The following GSE1 variants were observed in gnomAD, a reference collection of about 807,000 sequenced individuals.
GSE1 encodes the protein Gse1 coiled-coil protein, also known as genetic suppressor element 1.
In GSE1, 32 loss-of-function variants were observed where a neutral mutation model predicts 112.6. That is an observed-to-expected ratio of 0.28 (90% CI 0.21 to 0.38). The LOEUF (loss-of-function observed/expected upper bound fraction) is 0.38. Ranked by LOEUF, GSE1 falls within the 10% of genes least tolerant of loss-of-function variation. GSE1 has a pLI of 1.00. For missense variants in GSE1, 2,348 were observed against 1,699.2 expected (o/e 1.38, Z -6.71); for synonymous variants, 1,115 against 735.6 (o/e 1.52, Z -8.35).
chr16:85,490,881 C>T (rs2050989094), intron 2 of GSE1: 1 of 152,268 alleles, frequency 6.6e-6, no homozygotes, highest in South Asian at 2.1e-4. Flanking sequence ...GAGCTGGGTG[C>T]CACGGTTACA....
intron 2 of GSE1, among the ~76,000 whole-genome samples, chr16:85,422,613 G>A (rs985011287): frequency 2.0e-5 from 3 of 151,970 alleles, no homozygotes; most frequent in Non-Finnish European, 4.4e-5. Flanking sequence ...CAGTAGGAGA[G>A]AGAAAGGGGC....
chr16:85,643,457 G>C (rs2050608395), intron 2 of GSE1, among the ~76,000 whole-genome samples: 1 of 152,170 alleles, frequency 6.6e-6, no homozygotes. Context: ...CCCCAGAGAA[G>C]CTCCCCACCC....
chr16:85,283,685 C>T (rs1010614753), intron 1 of GSE1: 5 of 152,258 alleles, frequency 3.3e-5, no homozygotes, highest in African/African-American at 9.6e-5. Flanking sequence ...CTGAATTGAA[C>T]GTGGGGTAAA....
intron 2 of GSE1, among the ~76,000 whole-genome samples, chr16:85,647,827 T>C (rs1210401679): frequency 3.3e-5 from 5 of 152,130 alleles, no homozygotes; most frequent in Admixed American, 6.5e-5. Context: ...CCTCGTGATC[T>C]GTCTGCCTCG....
chr16:85,552,400 C>T (rs112215947), upstream of GSE1, among the ~76,000 whole-genome samples: 42 of 108,832 alleles, frequency 3.9e-4, 5 homozygotes, highest in Admixed American at 1.2e-3. Flanking sequence ...GGCGCGATCT[C>T]GGCTCACTGC....
At chr16:85,329,803 G>T (rs907104404) in intron 1 of GSE1, among the ~76,000 whole-genome samples, 8 of 150,628 alleles carry the variant, frequency 5.3e-5, no homozygotes, top group African/African-American at 1.5e-4. Flanking sequence ...TAACTCCAGG[G>T]ACTGCCTGGG....
chr16:85,314,014 T>C (rs1024262661), intron 1 of GSE1, among the ~76,000 whole-genome samples: 4 of 151,626 alleles, frequency 2.6e-5, no homozygotes, highest in African/African-American at 9.7e-5. Context: ...TACAGCCTAG[T>C]GTGTGTATAA....
At chr16:85,271,599 G>C (rs1363677013) in intron 1 of GSE1, among the ~76,000 whole-genome samples, 2 of 152,228 alleles carry the variant, frequency 1.3e-5, no homozygotes, top group African/African-American at 4.8e-5. Flanking sequence ...CTTTCCTGCT[G>C]CTTCGCAGCG....
Position 85,442,759 on chromosome 16 carries a change from G to T in GSE1, c.2464+85116G>T, listed in dbSNP as rs547619278. Among the ~76,000 whole-genome samples the T allele has an allele frequency of 3.3e-5, 5 of 152,296 alleles. No individual in the cohort carries two copies. In the South Asian group the frequency reaches 1.0e-3, roughly 32 times the overall value. On this transcript the variant is annotated intron_variant, in intron 2 of 2. Coordinates refer to the GSE1 transcript ENST00000637419. ...CTGCCCCCTTAGCTCCCGTATTAGT[G>T]GCTGCAGTAACATATTACCACAAAT... is the stretch of plus-strand genomic sequence containing the variant.
rs2074348420 is a variant in GSE1, at chr16:85,170,877, C to G, written c.1353C>G (p.Pro451=). 5 of 985,408 alleles carry G rather than the reference C, an allele frequency of 5.1e-6. No individual in the cohort carries two copies. In the South Asian group the frequency reaches 1.4e-4, roughly 28 times the overall value. 61.0% of individuals were successfully genotyped at this position (985,408 alleles called of 1,614,324 possible). The change falls in exon 1 of 3, where the codon CCC becomes CCG. Residue 451 remains proline, a synonymous_variant. Transcript: ENST00000637419. Reference sequence around the variant, plus strand: ...TCCTGCAGCGACTCTATGTGGTGCCCCTGGACAGCCACGCCCCCGGCATGG... The same window carrying G: ...TCCTGCAGCGACTCTATGTGGTGCCGCTGGACAGCCACGCCCCCGGCATGG...
At position 85,661,722 on chromosome 16, in the gene GSE1, G is replaced by A. The variant is rs758282182; in HGVS notation, c.2217G>A (p.Lys739=). The change falls in exon 9 of 16, where the codon AAG becomes AAA. Residue 739 remains lysine, a synonymous_variant. Transcript: ENST00000253458. ...FLQQRRRLVS[K]LDLEERRRRE... ...AGCAGCGCCGGAGGCTGGTCAGCAA[G>A]CTGGACCTGGAGGAGCGCAGGCGGC... 5 of 1,586,760 alleles carry A rather than the reference G, an allele frequency of 3.2e-6. No homozygotes were observed. In the African/African-American group the frequency reaches 5.4e-5, roughly 17 times the overall value.
intron 2 of GSE1, among the ~76,000 whole-genome samples, chr16:85,382,628 G>C (rs1366019307): frequency 6.6e-6 from 1 of 152,150 alleles, no homozygotes; most frequent in Non-Finnish European, 1.5e-5. Flanking sequence ...GGGACAGAAT[G>C]GGGAGCAGGG....
intron 2 of GSE1, among the ~76,000 whole-genome samples, chr16:85,439,109 CAG>C (rs2049316633): frequency 6.6e-6 from 1 of 152,234 alleles, no homozygotes; most frequent in African/African-American, 2.4e-5. Context: ...CCAGGGCTGT[CAG>C]GGGTCATTCA....
chr16:85,257,695 C>T (rs144833587), intron 1 of GSE1, among the ~76,000 whole-genome samples: 1 of 152,206 alleles, frequency 6.6e-6, no homozygotes. Flanking sequence ...CCTGTGGTCC[C>T]AGCTACTGGT....
Position 85,674,510 on chromosome 16 carries a change from C to A in GSE1, c.*1971C>A, listed in dbSNP as rs1050830231. The stretch of plus-strand genomic sequence containing the variant: ...TACAAACTATCAGGGCAAAATCTCA[C>A]TGGATTTCTCCACTGAAAACCTACT... On this transcript the variant is annotated 3_prime_UTR_variant, in exon 16 of 16. Transcript: ENST00000253458. 1.3e-5 allele frequency: 2 copies of A among 152,220 alleles called. No homozygotes were observed. The highest frequency in any genetic ancestry group is 6.5e-5 in the Admixed American group (1 of 15,278). 9.4% of individuals were successfully genotyped at this position (152,220 alleles called of 1,614,324 possible). A position where few individuals can be genotyped will look rare whatever the true frequency, so the allele number is the denominator to read the frequency against.
intron 2 of GSE1, among the ~76,000 whole-genome samples, chr16:85,540,462 G>A (rs1369634540): frequency 6.6e-6 from 1 of 152,226 alleles, no homozygotes; most frequent in Non-Finnish European, 1.5e-5. Context: ...GCTTGGCTTT[G>A]TGTTCCCCTT....
chr16:85,536,085 C>T (rs1193267978), intron 2 of GSE1, among the ~76,000 whole-genome samples: 2 of 152,198 alleles, frequency 1.3e-5, no homozygotes, highest in African/African-American at 4.8e-5. Flanking sequence ...GAAAGAGATT[C>T]AGAAGAACTT....
intron 1 of GSE1, among the ~76,000 whole-genome samples, chr16:85,309,415 A>T (rs1597359428): frequency 6.6e-6 from 1 of 151,884 alleles, no homozygotes; most frequent in African/African-American, 2.4e-5. Flanking sequence ...GATCGCTTGA[A>T]CCCAGGAGTT....
intron 1 of GSE1, among the ~76,000 whole-genome samples, chr16:85,620,887 G>T (rs1445585038): frequency 6.6e-6 from 1 of 152,040 alleles, no homozygotes; most frequent in East Asian, 1.9e-4. Flanking sequence ...CGTTTAGAGG[G>T]TCTCGGCCCT....
Sources: gnomAD v4.1 joint callset for allele counts (sites outside exome capture counted in the v4.1 genomes callset) on GRCh38, gnomAD v4.1.1 for gene constraint, MANE v1.5 for transcripts, NCBI Gene and HGNC (gene_info 2026-07-23, HGNC 2026-07-21) for gene names.